PTK2: variants seen among roughly 807,000 people sequenced by gnomAD.
PTK2 encodes the protein protein tyrosine kinase 2.
A neutral mutation model predicts 150.1 loss-of-function variants in PTK2; 45 were observed. The observed-to-expected ratio is 0.30, with a 90% CI of 0.24 to 0.38. The LOEUF (loss-of-function observed/expected upper bound fraction) is 0.38. Ranked by LOEUF, PTK2 falls within the 10% of genes least tolerant of loss-of-function variation. The probability of loss-of-function intolerance (pLI) is 1.00; values close to 1 mark genes in which losing one functional copy is unlikely to be tolerated. For missense variants in PTK2, 919 were observed against 1,307.3 expected, an observed-to-expected ratio of 0.70 and a Z score of 4.58; for synonymous variants, 432 against 449.2, an observed-to-expected ratio of 0.96 and a Z score of 0.48.
intron 16 of PTK2, among the ~76,000 whole-genome samples, chr8:140,754,402 A>C (rs1181299445): frequency 6.6e-6 from 1 of 152,192 alleles, no homozygotes; most frequent in Non-Finnish European, 1.5e-5. Context: ...CTTCTTTAGG[A>C]CCATGACCAT....
intron 14 of PTK2, among the ~76,000 whole-genome samples, chr8:140,770,204 T>C (rs1041166572): frequency 6.6e-6 from 1 of 152,196 alleles, no homozygotes; most frequent in South Asian, 2.1e-4. Context: ...TCTGGAGAAA[T>C]TACTGTTTCA....
At chr8:140,995,334 G>A (rs2100197232) in intron 1 of PTK2, among the ~76,000 whole-genome samples, 1 of 140,400 alleles carries the variant, frequency 7.1e-6, no homozygotes, top group African/African-American at 2.7e-5. Flanking sequence ...AGTGAGCCGA[G>A]ATCGCACCAC....
intron 1 of PTK2, among the ~76,000 whole-genome samples, chr8:140,968,086 G>C (rs1035973309): frequency 1.3e-5 from 2 of 152,188 alleles, no homozygotes; most frequent in African/African-American, 4.8e-5. Flanking sequence ...GGAATACTGT[G>C]TCTCATTCAC....
At chr8:140,939,719 T>C (rs571201525) in intron 1 of PTK2, among the ~76,000 whole-genome samples, 36 of 152,358 alleles carry the variant, frequency 2.4e-4, no homozygotes, top group Non-Finnish European at 4.4e-4. Context: ...CTAGGTAGTA[T>C]GTACACATTT....
At chr8:140,682,564 T>G (rs916213757) in intron 27 of PTK2, among the ~76,000 whole-genome samples, 3 of 151,720 alleles carry the variant, frequency 2.0e-5, no homozygotes, top group Admixed American at 6.6e-5. Flanking sequence ...TATAAATGCT[T>G]CTCATCTGCA....
At chr8:140,909,181 G>A (rs1265381126) in intron 2 of PTK2, 1 of 154,252 alleles carries the variant, frequency 6.5e-6, no homozygotes, top group Non-Finnish European at 1.5e-5. Flanking sequence ...GGAAGGGAAG[G>A]GGAAGGGGAA....
At chr8:140,930,782 A>T (rs536955742) in intron 1 of PTK2, among the ~76,000 whole-genome samples, 1 of 152,322 alleles carries the variant, frequency 6.6e-6, no homozygotes, top group Admixed American at 6.5e-5. Flanking sequence ...TTGGAAAAAA[A>T]GAAAATACAG....
intron 26 of PTK2, among the ~76,000 whole-genome samples, chr8:140,696,152 C>T (rs577608685): frequency 5.3e-5 from 8 of 152,190 alleles, no homozygotes; most frequent in Admixed American, 2.0e-4. Context: ...ACAAACGGTA[C>T]GATGGGAGCT....
chr8:140,743,198 C>A, intron 20 of PTK2, 32 bp downstream of exon 23: 1 of 1,393,304 alleles, frequency 7.2e-7, no homozygotes, highest in Non-Finnish European at 1.0e-6. Flanking sequence ...AGATTCCAAG[C>A]CTATTTCTTA....
chr8:140,838,712 T>C (rs1380645607), intron 7 of PTK2, among the ~76,000 whole-genome samples: 10 of 152,022 alleles, frequency 6.6e-5, no homozygotes, highest in Admixed American at 6.6e-4. Context: ...AAACTACATA[T>C]TAAAAACTTC....
intron 14 of PTK2, chr8:140,771,167 TA>T (rs2100075272): frequency 6.5e-6 from 1 of 153,372 alleles, no homozygotes; most frequent in African/African-American, 2.4e-5. Context: ...CATTCAACCA[TA>T]GCAGAAAAAT....
intron 1 of PTK2, among the ~76,000 whole-genome samples, chr8:140,944,899 T>C (rs2100177148): frequency 6.6e-6 from 1 of 152,230 alleles, no homozygotes; most frequent in African/African-American, 2.4e-5. Context: ...AGAAAGGTAC[T>C]CATCTCTTGG....
chr8:140,703,696 T>C (rs2100032057), intron 24 of PTK2, among the ~76,000 whole-genome samples: 1 of 152,230 alleles, frequency 6.6e-6, no homozygotes, highest in East Asian at 1.9e-4. Context: ...CTTTAAGTTC[T>C]AACAATGATG....
intron 2 of PTK2, among the ~76,000 whole-genome samples, chr8:140,897,333 T>C (rs570711846): frequency 1.3e-5 from 2 of 152,166 alleles, no homozygotes; most frequent in African/African-American, 4.8e-5. Context: ...CATTATAGAA[T>C]GTGATTTTGC....
intron 15 of PTK2, among the ~76,000 whole-genome samples, chr8:140,761,996 G>T (rs1365546819): frequency 6.6e-6 from 1 of 152,024 alleles, no homozygotes; most frequent in African/African-American, 2.4e-5. Flanking sequence ...CATTAAGAAT[G>T]TAATAGATTC....
chr8:140,734,058 A>C (rs1406136943), intron 22 of PTK2, among the ~76,000 whole-genome samples: 1 of 152,178 alleles, frequency 6.6e-6, no homozygotes, highest in East Asian at 1.9e-4. Flanking sequence ...TATAGGTCTT[A>C]ATTCTTCTTT....
At chr8:140,873,319 T>C (rs914438475) in intron 4 of PTK2, among the ~76,000 whole-genome samples, 3 of 152,168 alleles carry the variant, frequency 2.0e-5, no homozygotes, top group African/African-American at 4.8e-5. Flanking sequence ...CAACTGGAGG[T>C]AGAGTTTCAC....
chr8:140,672,093 C>T (rs1473896584), intron 29 of PTK2: 1 of 440,512 alleles, frequency 2.3e-6, no homozygotes, highest in African/African-American at 2.0e-5. Flanking sequence ...TAAGGTGGTA[C>T]CGATCTACCT....
chr8:140,833,674 A>G lies in PTK2; in HGVS notation c.594-3148T>C, dbSNP rs75548193. Among the ~76,000 whole-genome samples, 607 of 152,354 alleles carry G rather than the reference A, an allele frequency of 4.0e-3. 5 individuals are homozygous for G. The highest frequency in any genetic ancestry group is 0.014 in the African/African-American group (582 of 41,578). ...CTCTACACAACTGTCCTGTATGCGA[A>G]TAAAACAACAAATACAACTTACACA... On this transcript the variant is annotated intron_variant, in intron 7 of 31. Transcript: ENST00000522684.
Sources: allele counts gnomAD v4.1 joint callset (sites outside exome capture counted in the v4.1 genomes callset), GRCh38; gene constraint gnomAD v4.1.1; transcripts MANE v1.5; gene names NCBI Gene and HGNC (gene_info 2026-07-23, HGNC 2026-07-21).